Variants in EYS observed in about 807,000 individuals in gnomAD.
EYS encodes the protein protein eyes shut homolog.
A neutral mutation model predicts 282.1 loss-of-function variants in EYS; 250 were observed. The observed-to-expected ratio is 0.89, with a 90% CI of 0.80 to 0.98. The LOEUF (loss-of-function observed/expected upper bound fraction) is 0.98, where lower values mean the gene tolerates loss of function less well. Ranked by LOEUF, EYS falls within the 50% of genes least tolerant of loss-of-function variation. EYS has a pLI of 0.00. For synonymous variants in EYS, 1,355 were observed against 1,282.9 expected (o/e 1.06, Z -1.20); for missense variants, 4,016 against 3,709.0 (o/e 1.08, Z -2.15).
At chr6:65,230,525 C>G (rs1482805184) in intron 12 of EYS, among the ~76,000 whole-genome samples, 1 of 151,752 alleles carries the variant, frequency 6.6e-6, no homozygotes. Flanking sequence ...ATCCTCGTCC[C>G]TTAAAAATGT....
At chr6:65,177,932 C>T (rs984635562) in intron 12 of EYS, among the ~76,000 whole-genome samples, 2 of 151,858 alleles carry the variant, frequency 1.3e-5, no homozygotes, top group Non-Finnish European at 2.9e-5. Flanking sequence ...TTTTTCTCCA[C>T]AGATCATTCC....
intron 26 of EYS, among the ~76,000 whole-genome samples, chr6:64,512,475 T>C (rs1777439855): frequency 6.6e-6 from 1 of 151,888 alleles, no homozygotes; most frequent in African/African-American, 2.4e-5. Context: ...TCCTGTACCC[T>C]GATGGCCCAG....
intron 12 of EYS, among the ~76,000 whole-genome samples, chr6:65,145,205 CACT>C (rs1400631824): frequency 5.3e-5 from 8 of 151,768 alleles, no homozygotes; most frequent in African/African-American, 1.2e-4. Context: ...ATATCTAGTC[CACT>C]ACTACTAATT....
At chr6:64,522,029 AGCAGTCC>A (rs780345834) in intron 26 of EYS, among the ~76,000 whole-genome samples, 12 of 151,810 alleles carry the variant, frequency 7.9e-5, no homozygotes, top group Non-Finnish European at 1.2e-4. Context: ...GTGGACAGTA[AGCAGTCC>A]TTTATCTCTA....
intron 26 of EYS, among the ~76,000 whole-genome samples, chr6:64,441,700 T>C (rs935465301): frequency 6.6e-6 from 1 of 152,120 alleles, no homozygotes; most frequent in African/African-American, 2.4e-5. Context: ...CTTGCAATAG[T>C]GAATGGGTCT....
intron 10 of EYS, among the ~76,000 whole-genome samples, chr6:65,339,813 G>A (rs1279533385): frequency 6.6e-6 from 1 of 151,194 alleles, no homozygotes; most frequent in Non-Finnish European, 1.5e-5. Context: ...TCAGAGACAT[G>A]GTTCCAAGGT....
intron 13 of EYS, among the ~76,000 whole-genome samples, chr6:65,034,462 T>C (rs1477854041): frequency 6.6e-6 from 1 of 152,118 alleles, no homozygotes; most frequent in Non-Finnish European, 1.5e-5. Flanking sequence ...GTGGGAGGTG[T>C]TTGGATCATG....
At chr6:64,558,675 C>G (rs995275171) in intron 26 of EYS, among the ~76,000 whole-genome samples, 2 of 152,090 alleles carry the variant, frequency 1.3e-5, no homozygotes, top group Non-Finnish European at 1.5e-5. Flanking sequence ...TAAGGAGGCT[C>G]TTTACAGCAG....
intron 35 of EYS, among the ~76,000 whole-genome samples, chr6:63,933,459 G>A (rs771695864): frequency 6.6e-6 from 1 of 152,088 alleles, no homozygotes; most frequent in Non-Finnish European, 1.5e-5. Context: ...TGCCCACCTC[G>A]GCCTCCCACA....
In EYS at chr6:64,601,248, A is replaced by C. The variant is rs138679642; in HGVS notation, c.3685-7939T>G. Reference sequence around the variant, plus strand: ...AAGATATCATATATTGATGAGTCCCAAAATCATATCTCTACTTCACACTTC... The same window carrying C: ...AAGATATCATATATTGATGAGTCCCCAAATCATATCTCTACTTCACACTTC... On this transcript the variant is annotated intron_variant, in intron 24 of 42. Coordinates refer to ENST00000503581, the MANE Select transcript of EYS (RefSeq NM_001142800.2). 3.5e-3 allele frequency among the ~76,000 whole-genome samples: 528 copies of C among 152,220 alleles called. 6 individuals are homozygous for C. The highest frequency in any genetic ancestry group is 0.03 in the Admixed American group (451 of 15,282).
intron 1 of EYS, among the ~76,000 whole-genome samples, chr6:65,681,248 G>C (rs527238574): frequency 6.6e-6 from 1 of 152,018 alleles, no homozygotes; most frequent in South Asian, 2.1e-4. Flanking sequence ...CATCCCTAGA[G>C]CCTTGGTCTA....
At chr6:64,593,045 G>T in intron 25 of EYS, 72 bp downstream of exon 25, 4 of 1,124,690 alleles carry the variant, frequency 3.6e-6, no homozygotes, top group Non-Finnish European at 4.8e-6. Context: ...TTTTAATAAT[G>T]CAGAAAATAT....
chr6:65,321,758 A>G (rs1256358364), intron 11 of EYS, among the ~76,000 whole-genome samples: 7 of 152,184 alleles, frequency 4.6e-5, no homozygotes, highest in African/African-American at 1.4e-4. Flanking sequence ...GACTGGCACA[A>G]AGATGTTGTG....
intron 30 of EYS, among the ~76,000 whole-genome samples, chr6:64,239,600 G>GA (rs1562267268): frequency 2.1e-5 from 3 of 145,046 alleles, no homozygotes; most frequent in Non-Finnish European, 4.5e-5. Flanking sequence ...TGATGGGGTT[G>GA]TTTTTTTTTT....
intron 31 of EYS, among the ~76,000 whole-genome samples, chr6:64,180,428 C>T (rs902317305): frequency 2.0e-5 from 3 of 152,026 alleles, no homozygotes; most frequent in Non-Finnish European, 4.4e-5. Context: ...ACCTCATTTT[C>T]TTTTTTTGAC....
intron 40 of EYS, among the ~76,000 whole-genome samples, chr6:63,776,462 G>A (rs1283767485): frequency 6.6e-6 from 1 of 152,042 alleles, no homozygotes; most frequent in Admixed American, 6.6e-5. Context: ...AGTCTCTGGG[G>A]CTTATTTTCC....
chr6:65,102,573 T>C (rs1419208216), intron 12 of EYS, among the ~76,000 whole-genome samples: 1 of 151,254 alleles, frequency 6.6e-6, no homozygotes, highest in East Asian at 1.9e-4. Flanking sequence ...AATGTCCTAA[T>C]TTATGTATAA....
chr6:65,687,658 G>A (rs1229135083), intron 1 of EYS, among the ~76,000 whole-genome samples: 6 of 152,108 alleles, frequency 3.9e-5, no homozygotes, highest in African/African-American at 1.2e-4. Context: ...GTTTGCAGAC[G>A]ACATGATTAT....
intron 33 of EYS, among the ~76,000 whole-genome samples, chr6:64,022,463 T>A (rs1402164978): frequency 6.6e-6 from 1 of 152,228 alleles, no homozygotes; most frequent in Admixed American, 6.5e-5. Flanking sequence ...TGGCATTAAG[T>A]ACTTTTATAA....
Sources: gnomAD v4.1 joint callset for allele counts (sites outside exome capture counted in the v4.1 genomes callset) on GRCh38, gnomAD v4.1.1 for gene constraint, MANE v1.5 for transcripts, NCBI Gene and HGNC (gene_info 2026-07-23, HGNC 2026-07-21) for gene names.